CNTNAP2: variants seen among roughly 807,000 people sequenced by gnomAD.
CNTNAP2 encodes contactin-associated protein-like 2.
In CNTNAP2, 98 loss-of-function variants were observed where a neutral mutation model predicts 155.2. That is an observed-to-expected ratio of 0.63 (90% CI 0.54 to 0.75). The LOEUF is 0.75. CNTNAP2 is among the 30% of genes least tolerant of loss of function. The probability of loss-of-function intolerance (pLI) is 0.00; values close to 1 mark genes in which losing one functional copy is unlikely to be tolerated. For synonymous variants in CNTNAP2, 651 were observed against 631.2 expected (o/e 1.03, Z -0.47); for missense variants, 1,727 against 1,688.1 (o/e 1.02, Z -0.40).
intron 12 of CNTNAP2, among the ~76,000 whole-genome samples, chr7:147,578,407 A>G (rs985365457): frequency 2.0e-5 from 3 of 152,116 alleles, no homozygotes; most frequent in Admixed American, 6.6e-5. Flanking sequence ...AATGTCATTA[A>G]AATGAATTTT....
intron 13 of CNTNAP2, among the ~76,000 whole-genome samples, chr7:147,796,048 C>T (rs1056162746): frequency 6.6e-6 from 1 of 152,064 alleles, no homozygotes; most frequent in Non-Finnish European, 1.5e-5. Flanking sequence ...TGGCCAGTAG[C>T]CCACAGATTA....
At chr7:147,945,977 C>T (rs1800814532) in intron 14 of CNTNAP2, among the ~76,000 whole-genome samples, 1 of 149,606 alleles carries the variant, frequency 6.7e-6, no homozygotes, top group African/African-American at 2.5e-5. Flanking sequence ...AAGCTATTCT[C>T]CTGCCTCAGC....
intron 14 of CNTNAP2, among the ~76,000 whole-genome samples, chr7:147,926,993 C>A (rs1245962291): frequency 6.6e-6 from 1 of 152,124 alleles, no homozygotes; most frequent in Non-Finnish European, 1.5e-5. Flanking sequence ...GCCAGAGAAA[C>A]ATGTTTAAAT....
At chr7:146,220,792 T>A (rs1199130741) in intron 1 of CNTNAP2, among the ~76,000 whole-genome samples, 1 of 152,210 alleles carries the variant, frequency 6.6e-6, no homozygotes, top group Admixed American at 6.5e-5. Flanking sequence ...TGCCTGGGAT[T>A]TGGAATTATT....
intron 13 of CNTNAP2, among the ~76,000 whole-genome samples, chr7:147,760,967 G>A (rs1797290181): frequency 1.3e-5 from 2 of 152,088 alleles, no homozygotes; most frequent in South Asian, 4.1e-4. Context: ...ATTCTTATGA[G>A]GTTATTCAAC....
chr7:146,183,350 C>A (rs1306484945), intron 1 of CNTNAP2, among the ~76,000 whole-genome samples: 1 of 152,112 alleles, frequency 6.6e-6, no homozygotes, highest in African/African-American at 2.4e-5. Flanking sequence ...TGGTCCCAAA[C>A]TCTTCTCTCT....
At chr7:146,417,539 G>A (rs765636384) in intron 1 of CNTNAP2, among the ~76,000 whole-genome samples, 2 of 152,062 alleles carry the variant, frequency 1.3e-5, no homozygotes, top group Non-Finnish European at 2.9e-5. Flanking sequence ...GTCAAATATA[G>A]ACTGTTTACT....
intron 1 of CNTNAP2, among the ~76,000 whole-genome samples, chr7:146,509,665 C>T (rs1274472156): frequency 2.0e-5 from 3 of 152,098 alleles, no homozygotes; most frequent in African/African-American, 7.2e-5. Flanking sequence ...AGGCCCAAGC[C>T]TACACTAATA....
At chr7:146,765,364 C>G (rs1386940378) in intron 1 of CNTNAP2, among the ~76,000 whole-genome samples, 2 of 152,180 alleles carry the variant, frequency 1.3e-5, no homozygotes, top group Admixed American at 6.6e-5. Context: ...GAAGCCATTT[C>G]TCTTTTGCAA....
rs116646196 is a variant in CNTNAP2 at position 146,919,094 on chromosome 7, C to G, written c.402+79190C>G. ...AGAGTTTTCCATTAATATCCTGTAT[C>G]ATTTTTTTGACTTCTTTATGTTGGA... On this transcript the variant is annotated intron_variant, in intron 3 of 23. Coordinates refer to ENST00000361727, the MANE Select transcript of CNTNAP2 (RefSeq NM_014141.6). Among the ~76,000 whole-genome samples, 427 of 152,192 alleles carry G rather than the reference C, an allele frequency of 2.8e-3. 1 individual carries two copies. The highest frequency in any genetic ancestry group is 8.8e-3 in the African/African-American group (365 of 41,544).
chr7:146,478,863 G>C (rs1334389219), intron 1 of CNTNAP2, among the ~76,000 whole-genome samples: 2 of 152,108 alleles, frequency 1.3e-5, no homozygotes, highest in African/African-American at 4.8e-5. Context: ...TGTCTTTCCA[G>C]TTAATGTAGT....
intron 1 of CNTNAP2, among the ~76,000 whole-genome samples, chr7:146,430,691 G>A (rs1796161560): frequency 6.6e-6 from 1 of 151,952 alleles, no homozygotes; most frequent in Admixed American, 6.6e-5. Context: ...TAGAAATACA[G>A]GGTGATTACC....
At chr7:147,868,376 T>C (rs1799268777) in intron 13 of CNTNAP2, among the ~76,000 whole-genome samples, 1 of 152,148 alleles carries the variant, frequency 6.6e-6, no homozygotes, top group Non-Finnish European at 1.5e-5. Flanking sequence ...ATATGAGGTG[T>C]CTGTCGGCCC....
chr7:147,130,493 A>G (rs1801330753), intron 7 of CNTNAP2, among the ~76,000 whole-genome samples: 1 of 152,080 alleles, frequency 6.6e-6, no homozygotes, highest in Admixed American at 6.6e-5. Context: ...GATTCACAAT[A>G]TGTGAGTTTG....
chr7:148,415,190 G>A (rs1799952311), intron 23 of CNTNAP2, among the ~76,000 whole-genome samples: 1 of 152,216 alleles, frequency 6.6e-6, no homozygotes, highest in Non-Finnish European at 1.5e-5. Context: ...ACTGTGTCCA[G>A]TATTTTAGTT....
chr7:146,376,730 C>T (rs1795309348), intron 1 of CNTNAP2, among the ~76,000 whole-genome samples: 1 of 152,028 alleles, frequency 6.6e-6, no homozygotes, highest in African/African-American at 2.4e-5. Flanking sequence ...TAACCAAAGA[C>T]CCAATTTGAT....
chr7:146,624,748 A>T (rs1421245552), intron 1 of CNTNAP2, among the ~76,000 whole-genome samples: 1 of 151,934 alleles, frequency 6.6e-6, no homozygotes, highest in Non-Finnish European at 1.5e-5. Context: ...TGGTTTGTTA[A>T]TATCAGTAAG....
At chr7:146,656,448 A>G (rs576432986) in intron 1 of CNTNAP2, among the ~76,000 whole-genome samples, 1 of 152,226 alleles carries the variant, frequency 6.6e-6, no homozygotes, top group Non-Finnish European at 1.5e-5. Context: ...AGAAATTGTC[A>G]CTGATCCATG....
At chr7:146,230,924 A>G (rs1799372948) in intron 1 of CNTNAP2, among the ~76,000 whole-genome samples, 1 of 152,090 alleles carries the variant, frequency 6.6e-6, no homozygotes, top group African/African-American at 2.4e-5. Context: ...CTGAGGCATG[A>G]GAATTGCTTG....
Sources: allele counts gnomAD v4.1 joint callset (sites outside exome capture counted in the v4.1 genomes callset), GRCh38; gene constraint gnomAD v4.1.1; transcripts MANE v1.5; gene names NCBI Gene and HGNC (gene_info 2026-07-23, HGNC 2026-07-21).